The following PTPRD variants were observed in gnomAD, a reference collection of about 807,000 sequenced individuals.
PTPRD encodes receptor-type tyrosine-protein phosphatase delta.
A neutral mutation model predicts 214.5 loss-of-function variants in PTPRD; 34 were observed. That is an observed-to-expected ratio of 0.16 (90% confidence interval 0.12 to 0.21). The LOEUF (loss-of-function observed/expected upper bound fraction) is 0.21. PTPRD is among the 10% of genes least tolerant of loss of function. PTPRD has a pLI of 1.00. For synonymous variants in PTPRD, 1,128 were observed against 845.7 expected, an observed-to-expected ratio of 1.33 and a Z score of -5.79; for missense variants, 2,545 against 2,398.7, an observed-to-expected ratio of 1.06 and a Z score of -1.27.
At chr9:10,524,381 T>A (rs2053566543) in intron 2 of PTPRD, among the ~76,000 whole-genome samples, 1 of 152,104 alleles carries the variant, frequency 6.6e-6, no homozygotes, top group Admixed American at 6.6e-5. Context: ...ATTACTAGTT[T>A]TATTTTTTAA....
At chr9:10,076,854 A>G (rs763117780) in intron 3 of PTPRD, among the ~76,000 whole-genome samples, 1 of 152,182 alleles carries the variant, frequency 6.6e-6, no homozygotes, top group Non-Finnish European at 1.5e-5. Context: ...ATGGTGCTCT[A>G]CGAACATGAA....
chr9:8,974,026 A>G (rs2099254244), intron 11 of PTPRD, among the ~76,000 whole-genome samples: 1 of 151,908 alleles, frequency 6.6e-6, no homozygotes, highest in African/African-American at 2.4e-5. Context: ...CTCTGTCCAT[A>G]GTTTCTTTTG....
chr9:8,948,469 A>ATATATATT (rs1567182693), intron 11 of PTPRD, among the ~76,000 whole-genome samples: 453 of 6,922 alleles, frequency 0.065, 139 homozygotes, highest in East Asian at 0.19. Flanking sequence ...ATATATTTAC[A>ATATATATT]TATATATATA....
At chr9:8,966,486 G>C (rs2099195949) in intron 11 of PTPRD, among the ~76,000 whole-genome samples, 1 of 151,462 alleles carries the variant, frequency 6.6e-6, no homozygotes, top group Non-Finnish European at 1.5e-5. Flanking sequence ...ATTCGACAAA[G>C]TTATCAAAAA....
intron 7 of PTPRD, among the ~76,000 whole-genome samples, chr9:9,591,632 C>A (rs1267151361): frequency 1.3e-5 from 2 of 152,016 alleles, no homozygotes; most frequent in Non-Finnish European, 2.9e-5. Flanking sequence ...TCAGTGAATA[C>A]ATATTTAGCT....
intron 10 of PTPRD, among the ~76,000 whole-genome samples, chr9:9,084,025 CCG>C (rs2099763103): frequency 6.6e-6 from 1 of 152,134 alleles, no homozygotes; most frequent in African/African-American, 2.4e-5. Flanking sequence ...ACCAGAAATA[CCG>C]TTTGACCCAG....
intron 3 of PTPRD, among the ~76,000 whole-genome samples, chr9:10,139,627 T>A (rs149344637): frequency 1.3e-5 from 2 of 152,072 alleles, no homozygotes; most frequent in African/African-American, 4.8e-5. Flanking sequence ...TATGTTATCC[T>A]ACTTCAAACT....
intron 9 of PTPRD, among the ~76,000 whole-genome samples, chr9:9,242,192 T>G (rs1347092554): frequency 6.6e-6 from 1 of 152,228 alleles, no homozygotes; most frequent in African/African-American, 2.4e-5. Context: ...TTCTGGCTTG[T>G]AGAGTTTCTG....
At chr9:8,422,098 G>C (rs2094403181) in intron 35 of PTPRD, among the ~76,000 whole-genome samples, 1 of 123,290 alleles carries the variant, frequency 8.1e-6, no homozygotes, top group African/African-American at 3.2e-5. Context: ...CGTGAACCCT[G>C]ATGGTGCCAC....
chr9:9,827,034 C>T (rs1171802919), intron 5 of PTPRD, among the ~76,000 whole-genome samples: 1 of 152,088 alleles, frequency 6.6e-6, no homozygotes, highest in Non-Finnish European at 1.5e-5. Context: ...ACATTCCATG[C>T]TCATGGATAA....
intron 7 of PTPRD, among the ~76,000 whole-genome samples, chr9:9,599,893 T>G (rs2093626681): frequency 6.6e-6 from 1 of 152,020 alleles, no homozygotes; most frequent in Non-Finnish European, 1.5e-5. Context: ...AAAACTCAAT[T>G]TAAGGATATT....
At chr9:8,778,093 A>G (rs1480770634) in intron 11 of PTPRD, among the ~76,000 whole-genome samples, 1 of 152,196 alleles carries the variant, frequency 6.6e-6, no homozygotes, top group African/African-American at 2.4e-5. Flanking sequence ...GTGGTAATAC[A>G]TTACATTTCC....
intron 6 of PTPRD, among the ~76,000 whole-genome samples, chr9:9,749,423 A>T (rs2098492782): frequency 6.6e-6 from 1 of 152,152 alleles, no homozygotes; most frequent in African/African-American, 2.4e-5. Context: ...TTAATTCTGA[A>T]TTGATTCCAG....
chr9:9,867,524 T>A (rs2064285823), intron 5 of PTPRD, among the ~76,000 whole-genome samples: 1 of 152,126 alleles, frequency 6.6e-6, no homozygotes, highest in South Asian at 2.1e-4. Context: ...AAAGGAAGAA[T>A]CTCAGAGGAA....
At chr9:9,507,765 C>T (rs910235838) in intron 8 of PTPRD, among the ~76,000 whole-genome samples, 1 of 151,194 alleles carries the variant, frequency 6.6e-6, no homozygotes, top group East Asian at 1.9e-4. Flanking sequence ...CTTAATGATC[C>T]AGATGCAGAT....
intron 3 of PTPRD, among the ~76,000 whole-genome samples, chr9:10,287,143 G>A (rs937475002): frequency 2.0e-5 from 3 of 152,258 alleles, no homozygotes. Flanking sequence ...AAAAAAGATG[G>A]TTTCTATAGT....
At chr9:9,834,201 C>T (rs572089736) in intron 5 of PTPRD, among the ~76,000 whole-genome samples, 13 of 152,162 alleles carry the variant, frequency 8.5e-5, no homozygotes, top group Admixed American at 2.6e-4. Context: ...TGGCTTCAGC[C>T]GGTCCCTCTG....
chr9:8,685,980 C>T (rs1001263778), intron 12 of PTPRD, among the ~76,000 whole-genome samples: 1 of 152,186 alleles, frequency 6.6e-6, no homozygotes, highest in African/African-American at 2.4e-5. Flanking sequence ...TGAGAAACAT[C>T]TGTCCAGTCT....
At chr9:9,472,052 T>C (rs1292960007) in intron 8 of PTPRD, among the ~76,000 whole-genome samples, 1 of 152,212 alleles carries the variant, frequency 6.6e-6, no homozygotes, top group African/African-American at 2.4e-5. Flanking sequence ...CTAAGTGGTA[T>C]ATTGACAGAT....
Sources: allele counts gnomAD v4.1 joint callset (sites outside exome capture counted in the v4.1 genomes callset), GRCh38; gene constraint gnomAD v4.1.1; transcripts MANE v1.5; gene names NCBI Gene and HGNC (gene_info 2026-07-23, HGNC 2026-07-21).